Variants in FGF12 observed in about 807,000 individuals in gnomAD.
The protein encoded by FGF12 is fibroblast growth factor 12B.
FGF12 carries 14 observed loss-of-function variants against 23.6 expected under a neutral mutation model. The observed-to-expected ratio is 0.59, with a 90% confidence interval of 0.39 to 0.93. The LOEUF (loss-of-function observed/expected upper bound fraction) is 0.93, where lower values mean the gene tolerates loss of function less well. Ranked by LOEUF, FGF12 falls within the 40% of genes least tolerant of loss-of-function variation. FGF12 has a pLI of 0.00. For synonymous variants in FGF12, 62 were observed against 77.3 expected, an observed-to-expected ratio of 0.80 and a Z score of 1.04; for missense variants, 175 against 217.8, an observed-to-expected ratio of 0.80 and a Z score of 1.24.
At chr3:192,649,435 T>A (rs1280303089) in intron 2 of FGF12, among the ~76,000 whole-genome samples, 4 of 152,332 alleles carry the variant, frequency 2.6e-5, no homozygotes, top group African/African-American at 9.6e-5. Context: ...TAATTCTTAA[T>A]TCATAGGGTG....
chr3:192,210,919 GAAC>G (rs1717896544), intron 4 of FGF12, among the ~76,000 whole-genome samples: 1 of 152,198 alleles, frequency 6.6e-6, no homozygotes, highest in South Asian at 2.1e-4. Context: ...GCAACGAGAA[GAAC>G]AACAGGAGAG....
At chr3:192,548,202 T>C (rs955251888) in intron 2 of FGF12, among the ~76,000 whole-genome samples, 3 of 152,142 alleles carry the variant, frequency 2.0e-5, no homozygotes, top group Non-Finnish European at 2.9e-5. Flanking sequence ...GTCTAGTACA[T>C]AGAGAGACTT....
intron 2 of FGF12, among the ~76,000 whole-genome samples, chr3:192,659,501 C>A (rs767512165): frequency 6.6e-6 from 1 of 152,092 alleles, no homozygotes; most frequent in African/African-American, 2.4e-5. Context: ...ATCTTACATC[C>A]CCCTTCCCAC....
chr3:192,212,796 GT>G (rs1718003662), intron 4 of FGF12, among the ~76,000 whole-genome samples: 1 of 141,250 alleles, frequency 7.1e-6, no homozygotes, highest in Non-Finnish European at 1.5e-5. Context: ...TGGGGGGGGG[GT>G]TAAAAAAAGA....
chr3:192,537,397 G>A lies in FGF12; in HGVS notation c.14-176859C>T, dbSNP rs149964323. On this transcript the variant is annotated intron_variant, in intron 2 of 5. Transcript: ENST00000445105. ...CTCCAAACGATTTTCCATAGTGGTTGTACTAATTTACATTCCCACCAAGAG... is the reference window on the plus strand; with the variant it reads ...CTCCAAACGATTTTCCATAGTGGTTATACTAATTTACATTCCCACCAAGAG... 2.4e-3 allele frequency among the ~76,000 whole-genome samples: 360 copies of A among 152,170 alleles called. 2 individuals carry two copies. The highest frequency in any genetic ancestry group is 8.2e-3 in the African/African-American group (341 of 41,520).
intron 4 of FGF12, among the ~76,000 whole-genome samples, chr3:192,218,125 G>C (rs1577246090): frequency 6.6e-6 from 1 of 152,090 alleles, no homozygotes; most frequent in African/African-American, 2.4e-5. Flanking sequence ...CAGCCACCAC[G>C]CCTGGCCCTT....
At chr3:192,607,199 A>G (rs1714369997) in intron 2 of FGF12, among the ~76,000 whole-genome samples, 1 of 152,166 alleles carries the variant, frequency 6.6e-6, no homozygotes, top group South Asian at 2.1e-4. Context: ...AAGTTGGACA[A>G]AAACCCACAT....
intron 4 of FGF12, among the ~76,000 whole-genome samples, chr3:192,206,780 C>T (rs113340853): frequency 2.2e-4 from 34 of 152,232 alleles, no homozygotes; most frequent in African/African-American, 7.9e-4. Context: ...GTGAGCAAAA[C>T]GAAGTTAACA....
At chr3:192,503,603 GTTTTTT>G (rs3074674) in intron 2 of FGF12, among the ~76,000 whole-genome samples, 1 of 99,122 alleles carries the variant, frequency 1.0e-5, no homozygotes, top group Non-Finnish European at 2.0e-5. Flanking sequence ...GTGTGTGTGT[GTTTTTT>G]TTTTTTTTTT....
At chr3:192,704,662 C>G (rs1256893003) in intron 2 of FGF12, among the ~76,000 whole-genome samples, 3 of 152,156 alleles carry the variant, frequency 2.0e-5, no homozygotes, top group Non-Finnish European at 4.4e-5. Context: ...AAAAAGTGAG[C>G]CTGTCCTTTG....
intron 2 of FGF12, among the ~76,000 whole-genome samples, chr3:192,725,896 A>G (rs1577143833): frequency 6.6e-6 from 1 of 152,310 alleles, no homozygotes; most frequent in African/African-American, 2.4e-5. Context: ...ATAGACATGG[A>G]TTCTCTCATA....
At chr3:192,228,334 A>C (rs1007760559) in intron 4 of FGF12, among the ~76,000 whole-genome samples, 1 of 152,094 alleles carries the variant, frequency 6.6e-6, no homozygotes, top group Non-Finnish European at 1.5e-5. Context: ...AGTGGTAAAA[A>C]TCCAGCTTCC....
intron 4 of FGF12, among the ~76,000 whole-genome samples, chr3:192,215,041 G>A (rs1400938466): frequency 6.6e-6 from 1 of 152,184 alleles, no homozygotes; most frequent in Non-Finnish European, 1.5e-5. Context: ...TGGAGGTATA[G>A]GGGCCAATCC....
At position 192,408,642 on chromosome 3, in the gene FGF12, C is replaced by G; in HGVS notation, c.14-48104G>C. On this transcript the variant is annotated intron_variant, in intron 2 of 5. Transcript: ENST00000445105. The surrounding 1 kb of genome is among the most constrained non-coding windows in gnomAD (Gnocchi z 7.3). ...ACAAGACGTGCCTCTGTTGGAGAGG[C>G]GCAAGCGTTGTAAGGTGTCCAAAGT... is the stretch of plus-strand genomic sequence containing the variant. 1 of 1,036,756 alleles carries G rather than the reference C, an allele frequency of 9.6e-7. No individual in the cohort carries two copies. 64.2% of individuals were successfully genotyped at this position (1,036,756 alleles called of 1,614,324 possible).
At chr3:192,526,497 G>T (rs1724948863) in intron 2 of FGF12, among the ~76,000 whole-genome samples, 1 of 152,092 alleles carries the variant, frequency 6.6e-6, no homozygotes, top group Admixed American at 6.6e-5. Flanking sequence ...GTCACAATTA[G>T]TTGGGCACAT....
intron 2 of FGF12, among the ~76,000 whole-genome samples, chr3:192,373,892 G>A (rs958294110): frequency 6.6e-6 from 1 of 152,190 alleles, no homozygotes; most frequent in Non-Finnish European, 1.5e-5. Flanking sequence ...ACTCCAAGAA[G>A]CATATTTCAG....
intron 2 of FGF12, among the ~76,000 whole-genome samples, chr3:192,667,860 G>C (rs1716952202): frequency 6.6e-6 from 1 of 152,028 alleles, no homozygotes; most frequent in Non-Finnish European, 1.5e-5. Flanking sequence ...TATCCTGAAG[G>C]AAATGAAAAG....
In FGF12 at chr3:192,403,984, G is replaced by A. The variant is rs544136705; in HGVS notation, c.14-43446C>T. On this transcript the variant is annotated intron_variant, in intron 2 of 5. Transcript: ENST00000445105. ...AGAAACAGGGACTCAGAAAGATAAG[G>A]TAAATGAAAATCAACAAAATCGGGT... 4.6e-5 allele frequency among the ~76,000 whole-genome samples: 7 copies of A among 152,122 alleles called. No individual in the cohort carries two copies. The South Asian group carries it at 1.5e-3, about 32-fold the overall frequency.
intron 2 of FGF12, among the ~76,000 whole-genome samples, chr3:192,675,914 C>A (rs913793794): frequency 6.6e-6 from 1 of 152,270 alleles, no homozygotes; most frequent in African/African-American, 2.4e-5. Flanking sequence ...CCACTGGTGC[C>A]TATACTCCCC....
Sources: gnomAD v4.1 joint callset for allele counts (sites outside exome capture counted in the v4.1 genomes callset) on GRCh38, gnomAD v4.1.1 for gene constraint, Gnocchi (gnomAD v3.1) non-coding constraint, MANE v1.5 for transcripts, NCBI Gene and HGNC (gene_info 2026-07-23, HGNC 2026-07-21) for gene names.